Variants in POM121C observed in about 807,000 individuals in gnomAD.
The protein encoded by POM121C is POM121 transmembrane nucleoporin C.
A neutral mutation model predicts 66.4 loss-of-function variants in POM121C; 20 were observed. The observed-to-expected ratio is 0.30, with a 90% CI of 0.21 to 0.44. The LOEUF (loss-of-function observed/expected upper bound fraction) is 0.44, where lower values mean the gene tolerates loss of function less well. Ranked by LOEUF, POM121C falls within the 20% of genes least tolerant of loss-of-function variation. POM121C has a pLI of 1.00. For synonymous variants in POM121C, 286 were observed against 528.0 expected (o/e 0.54, Z 6.28); for missense variants, 580 against 1,225.7 (o/e 0.47, Z 7.87).
At chr7:75,442,050 G>C in intron 3 of POM121C, 14 of 1,246,820 alleles carry the variant, frequency 1.1e-5, no homozygotes, top group Non-Finnish European at 1.5e-5. Context: ...ATTCCCTTCG[G>C]ATTTGATGAA....
chr7:75,439,675 C>G (rs1283680203), intron 5 of POM121C, among the ~76,000 whole-genome samples: 2 of 152,116 alleles, frequency 1.3e-5, no homozygotes, highest in Admixed American at 1.3e-4. Context: ...CATGCACCAC[C>G]ATACCCAGCC....
chr7:75,436,283 A>G (rs1307962832), intron 7 of POM121C, among the ~76,000 whole-genome samples: 3 of 152,186 alleles, frequency 2.0e-5, no homozygotes, highest in African/African-American at 7.2e-5. Context: ...ACTGGAAGAA[A>G]CCAAAGCTTT....
intron 3 of POM121C, among the ~76,000 whole-genome samples, chr7:75,446,837 A>G (rs1189279157): frequency 6.7e-6 from 1 of 150,352 alleles, no homozygotes. Context: ...GTGAAACGCC[A>G]TCTCTATTAA....
At chr7:75,482,042 A>C (rs1792328054) in intron 1 of POM121C, among the ~76,000 whole-genome samples, 1 of 151,960 alleles carries the variant, frequency 6.6e-6, no homozygotes, top group Admixed American at 6.6e-5. Context: ...AACTGAACAT[A>C]AACCTGATTA....
Position 75,417,637 on chromosome 7 carries a change from C to T in POM121C, c.*1159G>A, listed in dbSNP as rs1584637276. On this transcript the variant is annotated 3_prime_UTR_variant, in exon 15 of 15. Coordinates refer to ENST00000615331, the MANE Select transcript of POM121C (RefSeq NM_001099415.3). ...TGGTTCATTAATTTAGGTTTTCTAA[C>T]ATCTACTTTGGGTGACGTAGCCTCC... 1.0e-6 allele frequency: 1 copy of T among 985,238 alleles called. No homozygotes were observed. The highest frequency in any genetic ancestry group is 1.2e-6 in the Non-Finnish European group (1 of 829,406). 61.0% of individuals were successfully genotyped at this position (985,238 alleles called of 1,614,324 possible).
At chr7:75,457,796 T>C (rs1435338122) in intron 3 of POM121C, among the ~76,000 whole-genome samples, 1 of 152,266 alleles carries the variant, frequency 6.6e-6, no homozygotes, top group Non-Finnish European at 1.5e-5. Flanking sequence ...TCCTCTCTAA[T>C]CCTAATATAA....
chr7:75,454,201 C>T (rs1554476050), intron 3 of POM121C, among the ~76,000 whole-genome samples: 2 of 152,106 alleles, frequency 1.3e-5, no homozygotes, highest in African/African-American at 4.8e-5. Context: ...CTGTGGCCAC[C>T]TGCAGAAAAT....
At chr7:75,438,288 A>G (rs1313207149) in intron 6 of POM121C, among the ~76,000 whole-genome samples, 1 of 152,226 alleles carries the variant, frequency 6.6e-6, no homozygotes, top group Non-Finnish European at 1.5e-5. Flanking sequence ...ACAGTGGATT[A>G]CAATGTATTT....
chr7:75,442,101 C>T, intron 3 of POM121C: 3 of 1,370,796 alleles, frequency 2.2e-6, no homozygotes, highest in South Asian at 1.7e-5. Context: ...CGATTTCAAG[C>T]CAGCCGAGCC....
At chr7:75,442,079 A>T in intron 3 of POM121C, 1 of 1,357,004 alleles carries the variant, frequency 7.4e-7, no homozygotes, top group Non-Finnish European at 9.5e-7. Context: ...TCGGATTTAA[A>T]AGTCAAGTCC....
chr7:75,450,301 G>A (rs10235892), intron 3 of POM121C, among the ~76,000 whole-genome samples: 10,159 of 149,860 alleles, frequency 0.068, 1,090 homozygotes, highest in African/African-American at 0.24. Context: ...GAGAAAGCAG[G>A]AAAGCTGGGG....
chr7:75,473,718 T>C (rs1211224497), intron 3 of POM121C, among the ~76,000 whole-genome samples: 1 of 151,828 alleles, frequency 6.6e-6, no homozygotes, highest in East Asian at 1.9e-4. Flanking sequence ...AGACGGAGTC[T>C]CGCTCTGTCG....
chr7:75,465,817 G>A (rs1296509009), intron 3 of POM121C, among the ~76,000 whole-genome samples: 1 of 131,764 alleles, frequency 7.6e-6, no homozygotes, highest in East Asian at 2.3e-4. Flanking sequence ...GATTGCTTGA[G>A]CCCAGGAATT....
intron 3 of POM121C, among the ~76,000 whole-genome samples, chr7:75,467,831 C>T (rs1315891428): frequency 6.6e-6 from 1 of 151,746 alleles, no homozygotes; most frequent in African/African-American, 2.4e-5. Flanking sequence ...TAGGGGGTAT[C>T]AGAAACACAC....
Position 75,439,157 on chromosome 7 carries a change from A to C in POM121C, c.295T>G (p.Ser99Ala), listed in dbSNP as rs782322760. 3.0e-5 allele frequency: 49 copies of C among 1,614,122 alleles called. No individual in the cohort carries two copies. Among genetic ancestry groups the C allele is most frequent in the South Asian group, 1.2e-4 (11 of 91,094 alleles). Reference protein sequence around the residue: ...EPLVASGVPASFVPKPGSLKR... With the variant: ...EPLVASGVPAAFVPKPGSLKR... ...ACTCGCACTTACTTAGGCACAAAAG[A>C]AGCGGGGACTCCACTGGCCACCAGG... Residue 99 changes from serine (S) to alanine (A), a missense_variant, in exon 6 of 15, where the codon TCT becomes GCT. Physicochemically the swap from Ser to Ala is moderately conservative, Grantham distance 99 (BLOSUM62 1). Transcript: ENST00000615331.
intron 1 of POM121C, among the ~76,000 whole-genome samples, chr7:75,484,012 G>C (rs1434461378): frequency 6.6e-6 from 1 of 151,920 alleles, no homozygotes; most frequent in Non-Finnish European, 1.5e-5. Context: ...TGAGGCAGGA[G>C]AATCACTTGA....
chr7:75,444,513 G>A (rs879969740), intron 3 of POM121C, among the ~76,000 whole-genome samples: 7 of 114,530 alleles, frequency 6.1e-5, no homozygotes, highest in Non-Finnish European at 1.3e-4. Flanking sequence ...CATAAAAGCC[G>A]TCAGGGTACA....
At chr7:75,463,449 C>CTTTTT (rs1191010098) in intron 3 of POM121C, among the ~76,000 whole-genome samples, 1 of 120,772 alleles carries the variant, frequency 8.3e-6, no homozygotes, top group African/African-American at 3.0e-5. Flanking sequence ...CTGGGTTTTT[C>CTTTTT]TTTTTTTTTT....
intron 1 of POM121C, among the ~76,000 whole-genome samples, chr7:75,482,872 A>G (rs59124795): frequency 6.6e-6 from 1 of 152,236 alleles, no homozygotes; most frequent in African/African-American, 2.4e-5. Flanking sequence ...GGAAATGCCC[A>G]CTGGATTTGA....
Sources: allele counts gnomAD v4.1 joint callset (sites outside exome capture counted in the v4.1 genomes callset), GRCh38; gene constraint gnomAD v4.1.1; transcripts MANE v1.5; gene names NCBI Gene and HGNC (gene_info 2026-07-23, HGNC 2026-07-21).